The following SCLT1 variants were observed in gnomAD, a reference collection of about 807,000 sequenced individuals.
SCLT1 encodes sodium channel-associated protein 1.
Under a neutral mutation model 112.8 loss-of-function variants are expected in SCLT1, and 78 were observed. That is an observed-to-expected ratio of 0.69 (90% CI 0.58 to 0.83). The LOEUF (loss-of-function observed/expected upper bound fraction) is 0.83, where lower values mean the gene tolerates loss of function less well. Among genes scored for constraint, SCLT1 ranks in the 40% least tolerant of loss-of-function variants. The pLI, the probability that SCLT1 is intolerant of heterozygous loss-of-function variation, is 0.00. For synonymous variants in SCLT1, 257 were observed against 254.7 expected (o/e 1.01, Z -0.09); for missense variants, 747 against 770.4 (o/e 0.97, Z 0.36).
At chr4:128,925,094 T>C (rs318563) in intron 18 of SCLT1, among the ~76,000 whole-genome samples, 107,475 of 151,878 alleles carry the variant, frequency 0.71, 38,159 homozygotes, top group African/African-American at 0.75. Flanking sequence ...CAGAGTGAGC[T>C]TGGGAGCAGA....
rs542487317 is a variant in SCLT1, at chr4:128,923,288, A to G, written c.1829+13367T>C. 5.1e-4 allele frequency among the ~76,000 whole-genome samples: 77 copies of G among 152,156 alleles called. 1 individual carries two copies. The highest frequency in any genetic ancestry group is 3.4e-3 in the Middle Eastern group (1 of 294). On this transcript the variant is annotated intron_variant, in intron 18 of 20. Coordinates refer to ENST00000281142, the MANE Select transcript of SCLT1 (RefSeq NM_144643.4). ...TGGTGAAACCCCGTCTCTACTAAAA[A>G]TACAAGATTTAGCTGGGCGTGGTGG...
At chr4:128,931,232 T>C (rs1259205419) in intron 18 of SCLT1, among the ~76,000 whole-genome samples, 1 of 151,900 alleles carries the variant, frequency 6.6e-6, no homozygotes, top group Non-Finnish European at 1.5e-5. Flanking sequence ...AAAAAGAGAT[T>C]AGTAATTCAG....
intron 18 of SCLT1, among the ~76,000 whole-genome samples, chr4:128,897,679 T>C (rs1401183684): frequency 3.3e-5 from 5 of 152,194 alleles, no homozygotes; most frequent in East Asian, 3.9e-4. Context: ...ACAATATTAA[T>C]CTTAAATGTA....
downstream of SCLT1, among the ~76,000 whole-genome samples, chr4:128,880,620 C>T (rs1481630764): frequency 3.9e-5 from 6 of 152,252 alleles, no homozygotes; most frequent in South Asian, 2.1e-4. Flanking sequence ...GTTGATAACA[C>T]GCTCAATATC....
At chr4:129,004,975 C>T (rs1001105168) in intron 5 of SCLT1, among the ~76,000 whole-genome samples, 1 of 151,136 alleles carries the variant, frequency 6.6e-6, no homozygotes, top group Non-Finnish European at 1.5e-5. Context: ...GAAATGTTTA[C>T]CTAATAGAGA....
At chr4:128,899,308 T>A (rs1579317387) in intron 18 of SCLT1, among the ~76,000 whole-genome samples, 1 of 152,052 alleles carries the variant, frequency 6.6e-6, no homozygotes, top group South Asian at 2.1e-4. Flanking sequence ...CAGCAGCACA[T>A]CAAAAAGCTT....
At chr4:129,055,156 A>T (rs1749237225) in intron 2 of SCLT1, among the ~76,000 whole-genome samples, 1 of 152,174 alleles carries the variant, frequency 6.6e-6, no homozygotes, top group South Asian at 2.1e-4. Context: ...CCAGAGGGGC[A>T]CTGGCCTAAT....
Position 129,043,979 on chromosome 4 carries a change from TG to T in SCLT1, c.161+13del. 2 of 1,281,614 alleles carry T rather than the reference TG, an allele frequency of 1.6e-6. No individual in the cohort carries two copies. Among genetic ancestry groups the T allele is most frequent in the Non-Finnish European group, 2.2e-6 (2 of 889,954 alleles). 79.4% of individuals were successfully genotyped at this position (1,281,614 alleles called of 1,614,324 possible). A position where few individuals can be genotyped will look rare whatever the true frequency, so the allele number is the denominator to read the frequency against. On this transcript the variant is annotated intron_variant, in intron 3 of 20. Coordinates refer to ENST00000281142, the MANE Select transcript of SCLT1 (RefSeq NM_144643.4). ...TATAACGAAGAAAATGATATTATTC[TG>T]GTAATACTTTACCTTTGGTCAAATA...
At chr4:128,878,412 T>G (rs749711147) in intron 3 of SCLT1, among the ~76,000 whole-genome samples, 2 of 152,228 alleles carry the variant, frequency 1.3e-5, no homozygotes, top group Admixed American at 6.5e-5. Flanking sequence ...AATTTCTTTA[T>G]GAAGCAAATC....
intron 5 of SCLT1, among the ~76,000 whole-genome samples, chr4:129,033,502 T>TAAAAAAAAAAAAAA (rs56325033): frequency 2.3e-5 from 1 of 44,298 alleles, no homozygotes; most frequent in Non-Finnish European, 4.2e-5. Flanking sequence ...GAACTTAAAG[T>TAAAAAAAAAAAAAA]AAAAAAAAAA....
At chr4:128,943,423 A>G (rs1737880127) in intron 16 of SCLT1, among the ~76,000 whole-genome samples, 1 of 152,150 alleles carries the variant, frequency 6.6e-6, no homozygotes, top group South Asian at 2.1e-4. Context: ...GTTATCACTT[A>G]TCTAGAAAAT....
chr4:128,895,485 T>G (rs1579303985), intron 18 of SCLT1, among the ~76,000 whole-genome samples: 1 of 152,204 alleles, frequency 6.6e-6, no homozygotes, highest in Non-Finnish European at 1.5e-5. Context: ...TTTATATTAT[T>G]TTTTAGATTG....
chr4:129,068,989 T>C (rs1373608880), intron 2 of SCLT1, among the ~76,000 whole-genome samples: 1 of 152,176 alleles, frequency 6.6e-6, no homozygotes. Context: ...TTCTCCTACA[T>C]GTGGCTAGCC....
At chr4:128,994,072 G>C (rs1372886571) in intron 8 of SCLT1, among the ~76,000 whole-genome samples, 1 of 152,026 alleles carries the variant, frequency 6.6e-6, no homozygotes, top group Non-Finnish European at 1.5e-5. Flanking sequence ...ACATGTTTAA[G>C]TGTACAATAC....
At chr4:129,052,888 A>G (rs1484250939) in intron 2 of SCLT1, among the ~76,000 whole-genome samples, 1 of 152,194 alleles carries the variant, frequency 6.6e-6, no homozygotes, top group South Asian at 2.1e-4. Context: ...TTCCCTCTAC[A>G]CACTGTTTAA....
chr4:129,081,535 C>T (rs1475450866), intron 2 of SCLT1, among the ~76,000 whole-genome samples: 1 of 152,132 alleles, frequency 6.6e-6, no homozygotes, highest in Non-Finnish European at 1.5e-5. Context: ...GCAGGAATGT[C>T]TTACATGGCC....
chr4:128,904,303 C>A (rs1479239757), intron 18 of SCLT1, among the ~76,000 whole-genome samples: 2 of 152,082 alleles, frequency 1.3e-5, no homozygotes, highest in East Asian at 3.8e-4. Flanking sequence ...TTTTAGTTCA[C>A]TTATATAATT....
rs779835916 is a variant in SCLT1, at chr4:128,891,114, A to C, written c.1853T>G (p.Leu618Arg). 1 of 1,612,820 alleles carries C rather than the reference A, an allele frequency of 6.2e-7. No homozygotes were observed. Among genetic ancestry groups the C allele is most frequent in the Admixed American group, 1.7e-5 (1 of 59,820 alleles). The change falls in exon 19 of 21, where the codon CTT becomes CGT. Residue 618 changes from leucine (L) to arginine (R), a missense_variant. Leu to Arg is a moderately radical substitution (Grantham distance 102). Around this residue, in one of 2 missense-constraint regions of SCLT1, gnomAD observed 723 missense variants for 721.3 expected, o/e 1.00. Transcript: ENST00000281142. ...NLKSELSRQK[L>R]HTQELLSQLE... ...CTGAGAAAGCAGCTCTTGGGTATGAAGTTTCTGTCGACTCAGCTCACTCCT... is the reference window on the plus strand; with the variant it reads ...CTGAGAAAGCAGCTCTTGGGTATGACGTTTCTGTCGACTCAGCTCACTCCT...
At chr4:128,918,134 T>C (rs1428644543) in intron 18 of SCLT1, among the ~76,000 whole-genome samples, 2 of 152,114 alleles carry the variant, frequency 1.3e-5, no homozygotes, top group Non-Finnish European at 2.9e-5. Context: ...AAGGCAAAGA[T>C]TCTCTATGGA....
Sources: allele counts gnomAD v4.1 joint callset (sites outside exome capture counted in the v4.1 genomes callset), GRCh38; gene constraint gnomAD v4.1.1; regional missense constraint gnomAD v4.1.1; transcripts MANE v1.5; gene names NCBI Gene and HGNC (gene_info 2026-07-23, HGNC 2026-07-21).